The following GMDS variants were observed in gnomAD, a reference collection of about 807,000 sequenced individuals.
GMDS encodes the protein GDP-mannose 4,6 dehydratase.
A neutral mutation model predicts 49.9 loss-of-function variants in GMDS; 20 were observed. The observed-to-expected ratio is 0.40, with a 90% CI of 0.28 to 0.58. The LOEUF (loss-of-function observed/expected upper bound fraction) is 0.58. GMDS is among the 20% of genes least tolerant of loss of function. The pLI is 0.42. For missense variants in GMDS, 362 were observed against 481.4 expected (o/e 0.75, Z 2.32); for synonymous variants, 177 against 178.6 (o/e 0.99, Z 0.07).
At chr6:1,642,069 C>T (rs1263131185) in intron 9 of GMDS, among the ~76,000 whole-genome samples, 3 of 151,890 alleles carry the variant, frequency 2.0e-5, no homozygotes, top group African/African-American at 7.3e-5. Context: ...TTCATCCTGT[C>T]CTCGCTCACT....
intron 4 of GMDS, among the ~76,000 whole-genome samples, chr6:2,089,496 A>G (rs1023852591): frequency 3.3e-5 from 5 of 152,186 alleles, no homozygotes; most frequent in African/African-American, 9.6e-5. Context: ...GGGAGAATAG[A>G]TAATAAGAAA....
At chr6:1,985,476 A>C (rs956601771) in intron 4 of GMDS, among the ~76,000 whole-genome samples, 4 of 152,216 alleles carry the variant, frequency 2.6e-5, no homozygotes, top group African/African-American at 9.6e-5. Context: ...GAGAACATGA[A>C]AATAAGATAG....
chr6:1,684,908 T>C (rs1446367804), intron 9 of GMDS, among the ~76,000 whole-genome samples: 2 of 152,278 alleles, frequency 1.3e-5, no homozygotes, highest in South Asian at 4.2e-4. Context: ...TTAGTTGCCA[T>C]TTAGAATTAT....
chr6:1,808,449 G>A (rs775346359), intron 7 of GMDS, among the ~76,000 whole-genome samples: 2 of 152,104 alleles, frequency 1.3e-5, no homozygotes, highest in Admixed American at 6.5e-5. Context: ...GCTACGGTGC[G>A]GTTAAATGAA....
chr6:1,901,172 G>C (rs998573178), intron 7 of GMDS, among the ~76,000 whole-genome samples: 18 of 152,204 alleles, frequency 1.2e-4, no homozygotes, highest in Non-Finnish European at 1.5e-5. Context: ...GCTCCTGGGG[G>C]CAAGCATGCC....
At chr6:1,761,751 G>A (rs1245367019) in intron 7 of GMDS, among the ~76,000 whole-genome samples, 1 of 152,074 alleles carries the variant, frequency 6.6e-6, no homozygotes. Flanking sequence ...TTAGCCAGAG[G>A]CAAAATAAAA....
intron 9 of GMDS, among the ~76,000 whole-genome samples, chr6:1,644,537 T>G (rs1042305489): frequency 2.0e-5 from 3 of 152,216 alleles, no homozygotes; most frequent in African/African-American, 7.2e-5. Context: ...TGAAATTCTC[T>G]CCACTTTAGA....
intron 4 of GMDS, among the ~76,000 whole-genome samples, chr6:2,047,187 G>C (rs1770070769): frequency 6.6e-6 from 1 of 152,178 alleles, no homozygotes; most frequent in African/African-American, 2.4e-5. Flanking sequence ...TTGTATTGTA[G>C]CTGACACTTG....
At chr6:1,882,586 AG>A (rs1353806613) in intron 7 of GMDS, among the ~76,000 whole-genome samples, 3 of 152,242 alleles carry the variant, frequency 2.0e-5, no homozygotes, top group Non-Finnish European at 4.4e-5. Context: ...GACTTTGCAT[AG>A]GGAGTTAAGA....
chr6:2,147,053 G>A (rs1776591072), intron 1 of GMDS, among the ~76,000 whole-genome samples: 1 of 152,094 alleles, frequency 6.6e-6, no homozygotes, highest in Non-Finnish European at 1.5e-5. Context: ...TGGCACTGCA[G>A]GACCAAAGGT....
intron 7 of GMDS, 39 bp downstream of exon 7, chr6:1,930,064 A>G (rs1703781136): frequency 6.4e-7 from 1 of 1,563,078 alleles, no homozygotes; most frequent in Non-Finnish European, 8.8e-7. Context: ...ATATCAATGG[A>G]TACGGGTATT....
intron 6 of GMDS, among the ~76,000 whole-genome samples, chr6:1,942,985 C>T (rs1762890779): frequency 6.6e-6 from 1 of 152,238 alleles, no homozygotes; most frequent in Admixed American, 6.5e-5. Context: ...TGCTCTGCAC[C>T]TGTCCTGAAA....
chr6:1,658,733 G>A (rs1000919894), intron 9 of GMDS, among the ~76,000 whole-genome samples: 19 of 152,236 alleles, frequency 1.2e-4, no homozygotes, highest in Non-Finnish European at 1.6e-4. Context: ...ATTTAGCTCG[G>A]CTTTCTGCTC....
intron 7 of GMDS, among the ~76,000 whole-genome samples, chr6:1,841,698 G>T (rs116342172): frequency 1.2e-4 from 18 of 152,160 alleles, no homozygotes; most frequent in Admixed American, 1.2e-3. Flanking sequence ...TCTCTGTACA[G>T]GTACAGGTAG....
In GMDS at chr6:2,121,115, A is replaced by G. The variant is rs182988149; in HGVS notation, c.148-3559T>C. On this transcript the variant is annotated intron_variant, in intron 2 of 10. Transcript: ENST00000380815. ...GACTTGCCCAGGGTCACGGAGCCTG[A>G]AAGTGGCAGAGGAAGAGTGAGACAC... Among the ~76,000 whole-genome samples the G allele has an allele frequency of 7.4e-4, 113 of 152,318 alleles. No homozygotes were observed. In the East Asian group the frequency reaches 0.012, roughly 16 times the overall value.
At chr6:1,900,590 C>T (rs1760451263) in intron 7 of GMDS, among the ~76,000 whole-genome samples, 1 of 152,176 alleles carries the variant, frequency 6.6e-6, no homozygotes, top group African/African-American at 2.4e-5. Context: ...AAGCACATGG[C>T]TTGATGTATT....
chr6:1,894,627 TAATTTCCAC>T (rs925412231), intron 7 of GMDS, among the ~76,000 whole-genome samples: 6 of 152,360 alleles, frequency 3.9e-5, no homozygotes, highest in Non-Finnish European at 8.8e-5. Context: ...ACCTATTTTT[TAATTTCCAC>T]AATCAGATAT....
chr6:1,953,576 G>T (rs1173774625), intron 6 of GMDS, among the ~76,000 whole-genome samples: 1 of 152,106 alleles, frequency 6.6e-6, no homozygotes, highest in African/African-American at 2.4e-5. Flanking sequence ...AAAGTACTCT[G>T]CCAATGTTAA....
intron 7 of GMDS, among the ~76,000 whole-genome samples, chr6:1,773,403 A>G (rs1229621778): frequency 1.3e-5 from 2 of 152,116 alleles, no homozygotes; most frequent in African/African-American, 2.4e-5. Context: ...GCGCTCAGCA[A>G]TGTTGAAGTG....
Sources: gnomAD v4.1 joint callset for allele counts (sites outside exome capture counted in the v4.1 genomes callset) on GRCh38, gnomAD v4.1.1 for gene constraint, MANE v1.5 for transcripts, NCBI Gene and HGNC (gene_info 2026-07-23, HGNC 2026-07-21) for gene names.